PIEZO2: variants seen among roughly 807,000 people sequenced by gnomAD.
PIEZO2 encodes the protein piezo-type mechanosensitive ion channel component 2.
PIEZO2 carries 172 observed loss-of-function variants against 337.3 expected under a neutral mutation model. That is an observed-to-expected ratio of 0.51 (90% CI 0.45 to 0.58). The LOEUF (loss-of-function observed/expected upper bound fraction) is 0.58, where lower values mean the gene tolerates loss of function less well. Ranked by LOEUF, PIEZO2 falls within the 20% of genes least tolerant of loss-of-function variation. The probability of loss-of-function intolerance (pLI) is 0.00; values close to 1 mark genes in which losing one functional copy is unlikely to be tolerated. For synonymous variants in PIEZO2, 1,251 were observed against 1,228.5 expected (o/e 1.02, Z -0.38); for missense variants, 3,028 against 3,391.3 (o/e 0.89, Z 2.66).
Position 10,895,925 on chromosome 18 carries a change from T to A in PIEZO2, c.329+15261A>T, listed in dbSNP as rs2042887276. 6.6e-6 allele frequency among the ~76,000 whole-genome samples: 1 copy of A among 151,728 alleles called. No individual in the cohort carries two copies. The highest frequency in any genetic ancestry group is 6.6e-5 in the Admixed American group (1 of 15,248). ...AATACAGAAAATTACCCGGGCGTGGTGGCGTGTGCCTGTAATCCCAGCTAC... is the reference window on the plus strand; with the variant it reads ...AATACAGAAAATTACCCGGGCGTGGAGGCGTGTGCCTGTAATCCCAGCTAC... On this transcript the variant is annotated intron_variant, in intron 4 of 55. Coordinates refer to ENST00000674853, the MANE Select transcript of PIEZO2 (RefSeq NM_001378183.1). The surrounding 1 kb of genome is among the most constrained non-coding windows in gnomAD (Gnocchi z 4.8).
At chr18:11,142,937 G>GC (rs2040697636) in intron 1 of PIEZO2, among the ~76,000 whole-genome samples, 2 of 151,934 alleles carry the variant, frequency 1.3e-5, no homozygotes, top group Non-Finnish European at 2.9e-5. Flanking sequence ...AAATTAGCCG[G>GC]GTGTGGTGGC....
At chr18:10,758,830 G>A (rs1277279861) in intron 26 of PIEZO2, among the ~76,000 whole-genome samples, 1 of 152,242 alleles carries the variant, frequency 6.6e-6, no homozygotes, top group Non-Finnish European at 1.5e-5. Flanking sequence ...AGCGCAGCCT[G>A]AGAGAGCTGT....
chr18:10,919,685 C>T (rs994026009), intron 3 of PIEZO2, among the ~76,000 whole-genome samples: 3 of 152,116 alleles, frequency 2.0e-5, no homozygotes, highest in African/African-American at 7.2e-5. Flanking sequence ...ATATTACTCT[C>T]AAAAGAAACA....
chr18:10,999,636 T>C (rs2035462334), intron 2 of PIEZO2, among the ~76,000 whole-genome samples: 1 of 152,148 alleles, frequency 6.6e-6, no homozygotes, highest in African/African-American at 2.4e-5. Context: ...CACCCAAGGA[T>C]TTCAGCATCT....
In PIEZO2 at chr18:11,105,063, A is replaced by G. The variant is rs2039521919; in HGVS notation, c.65-38841T>C. ...AAATTACCACTTACTATCATTTGGCAAAGAACAGCTTGACTAAGCACGACA... is the reference window on the plus strand; with the variant it reads ...AAATTACCACTTACTATCATTTGGCGAAGAACAGCTTGACTAAGCACGACA... On this transcript the variant is annotated intron_variant, in intron 1 of 55. Coordinates refer to ENST00000674853, the MANE Select transcript of PIEZO2 (RefSeq NM_001378183.1). This position sits in a 1 kb window ranked among gnomAD's most constrained non-coding sequence, Gnocchi z 4.3. Among the ~76,000 whole-genome samples the G allele has an allele frequency of 6.6e-6, 1 of 152,208 alleles. No individual in the cohort carries two copies. The highest frequency in any genetic ancestry group is 6.5e-5 in the Admixed American group (1 of 15,282).
Position 11,021,362 on chromosome 18 carries a change from CT to C in PIEZO2, c.161-41703del, listed in dbSNP as rs532794731. ...TCCTCTATTCTGAAGAAAACATTTT[CT>C]TTTTCCTTCTACAAAAGCATCCCAC... is the stretch of plus-strand genomic sequence containing the variant. On this transcript the variant is annotated intron_variant, in intron 2 of 55. Transcript: ENST00000674853. The surrounding 1 kb of genome is among the most constrained non-coding windows in gnomAD (Gnocchi z 4.7). Among the ~76,000 whole-genome samples the C allele has an allele frequency of 1.3e-4, 20 of 152,274 alleles. No homozygotes were observed. The highest frequency in any genetic ancestry group is 4.8e-4 in the African/African-American group (20 of 41,562).
In PIEZO2 at chr18:10,795,304, G is replaced by A. The variant is rs954998080; in HGVS notation, c.1528-302C>T. 5.6e-5 allele frequency among the ~76,000 whole-genome samples: 6 copies of A among 106,572 alleles called. No individual in the cohort carries two copies. Among genetic ancestry groups the A allele is most frequent in the Non-Finnish European group, 1.1e-4 (5 of 45,416 alleles). The allele number at this position is 106,572 out of a possible 152,430, so 69.9% of individuals were successfully genotyped here. ...ACTTTTTTCAGTTAAGTAGCAAAATGTGTATTCAAATATTTTATTTTATTT... is the reference window on the plus strand; with the variant it reads ...ACTTTTTTCAGTTAAGTAGCAAAATATGTATTCAAATATTTTATTTTATTT... On this transcript the variant is annotated intron_variant, in intron 12 of 55. Coordinates refer to ENST00000674853, the MANE Select transcript of PIEZO2 (RefSeq NM_001378183.1). This position sits in a 1 kb window ranked among gnomAD's most constrained non-coding sequence, Gnocchi z 4.4.
At chr18:10,921,528 T>G (rs2031401261) in intron 3 of PIEZO2, among the ~76,000 whole-genome samples, 2 of 152,126 alleles carry the variant, frequency 1.3e-5, no homozygotes, top group Non-Finnish European at 2.9e-5. Context: ...CTTAATCCCA[T>G]CAGCTGAGGA....
In PIEZO2 at chr18:10,794,135, T is replaced by C. The variant is rs1458228280; in HGVS notation, c.1758+637A>G. Among the ~76,000 whole-genome samples, 1 of 152,230 alleles carries C rather than the reference T, an allele frequency of 6.6e-6. No homozygotes were observed. Among genetic ancestry groups the C allele is most frequent in the East Asian group, 1.9e-4 (1 of 5,202 alleles). On this transcript the variant is annotated intron_variant, in intron 13 of 55. Coordinates refer to ENST00000674853, the MANE Select transcript of PIEZO2 (RefSeq NM_001378183.1). The surrounding 1 kb of genome is among the most constrained non-coding windows in gnomAD (Gnocchi z 6.6). ...TATTAACACAAAGGGAATGTGTGTT[T>C]AGTCTGCCATTCTGTTAACAAAACA...
intron 7 of PIEZO2, among the ~76,000 whole-genome samples, chr18:10,845,470 C>T (rs1318499846): frequency 6.6e-6 from 1 of 152,130 alleles, no homozygotes; most frequent in East Asian, 1.9e-4. Context: ...TTAACCCTCA[C>T]ATGTAGCAGT....
In PIEZO2 at chr18:10,813,026, C is replaced by A. The variant is rs1375483290; in HGVS notation, c.918-5752G>T. 6.6e-6 allele frequency among the ~76,000 whole-genome samples: 1 copy of A among 151,914 alleles called. No individual in the cohort carries two copies. The highest frequency in any genetic ancestry group is 2.4e-5 in the African/African-American group (1 of 41,322). ...TGAGACGGAGTCTCACTCTGTCACCCGGGCTGGAGTGCATTGGGCCTCTGC... is the reference window on the plus strand; with the variant it reads ...TGAGACGGAGTCTCACTCTGTCACCAGGGCTGGAGTGCATTGGGCCTCTGC... On this transcript the variant is annotated intron_variant, in intron 7 of 55. Transcript: ENST00000674853. The surrounding 1 kb of genome is among the most constrained non-coding windows in gnomAD (Gnocchi z 4.2).
intron 48 of PIEZO2, among the ~76,000 whole-genome samples, 176 bp from the exon 49 acceptor site, chr18:10,689,978 G>T (rs1428883106): frequency 6.6e-6 from 1 of 152,198 alleles, no homozygotes; most frequent in African/African-American, 2.4e-5. Flanking sequence ...ATTATAAGTC[G>T]AATCTATGGA....
Position 10,847,124 on chromosome 18 carries a change from G to A in PIEZO2, c.917+8229C>T, listed in dbSNP as rs1598575754. Among the ~76,000 whole-genome samples the A allele has an allele frequency of 6.6e-6, 1 of 152,284 alleles. No individual in the cohort carries two copies. The highest frequency in any genetic ancestry group is 2.1e-4 in the South Asian group (1 of 4,820). On this transcript the variant is annotated intron_variant, in intron 7 of 55. Transcript: ENST00000674853. This position sits in a 1 kb window ranked among gnomAD's most constrained non-coding sequence, Gnocchi z 5.7. ...GGCCAAGGTTCAATCTCGAGCCCGTGGACTCCAGGGAATGAGCTGTTGAGC... is the reference window on the plus strand; with the variant it reads ...GGCCAAGGTTCAATCTCGAGCCCGTAGACTCCAGGGAATGAGCTGTTGAGC...
chr18:11,042,200 C>A (rs192192965), intron 2 of PIEZO2, among the ~76,000 whole-genome samples: 1 of 152,132 alleles, frequency 6.6e-6, no homozygotes, highest in Non-Finnish European at 1.5e-5. Context: ...CTAAGAAATC[C>A]GCCTGTAAAG....
Position 10,677,595 on chromosome 18 carries a change from A to T in PIEZO2, c.8081+152T>A. ...TCCATAGCTGAGATTAAGTTTCTTTAATCTTGCAAAATGGGGCCTCCAAAT... is the reference window on the plus strand; with the variant it reads ...TCCATAGCTGAGATTAAGTTTCTTTTATCTTGCAAAATGGGGCCTCCAAAT... On this transcript the variant is annotated intron_variant, in intron 53 of 55. Coordinates refer to ENST00000674853, the MANE Select transcript of PIEZO2 (RefSeq NM_001378183.1). The surrounding 1 kb of genome is among the most constrained non-coding windows in gnomAD (Gnocchi z 4.1). 2 of 902,950 alleles carry T rather than the reference A, an allele frequency of 2.2e-6. No homozygotes were observed. The highest frequency in any genetic ancestry group is 3.2e-4 in the Middle Eastern group (1 of 3,122). The allele number at this position is 902,950 out of a possible 1,614,324, so 55.9% of individuals were successfully genotyped here.
chr18:10,938,295 G>A (rs2032517092), intron 3 of PIEZO2, among the ~76,000 whole-genome samples: 2 of 152,160 alleles, frequency 1.3e-5, no homozygotes, highest in Non-Finnish European at 2.9e-5. Flanking sequence ...ATAATTGTGT[G>A]AAGAGTACTT....
In PIEZO2 at chr18:10,795,054, C is replaced by G; in HGVS notation, c.1528-52G>C. 1 of 1,400,712 alleles carries G rather than the reference C, an allele frequency of 7.1e-7. No homozygotes were observed. Among genetic ancestry groups the G allele is most frequent in the Non-Finnish European group, 9.8e-7 (1 of 1,023,078 alleles). 86.8% of individuals were successfully genotyped at this position (1,400,712 alleles called of 1,614,324 possible). ...ACCATGGTCAATACAATGCTCAGTC[C>G]CCCCCGCCCTGGTAAGGTAAAAACT... is the stretch of plus-strand genomic sequence containing the variant. On this transcript the variant is annotated intron_variant, in intron 12 of 55. Transcript: ENST00000674853. The surrounding 1 kb of genome is among the most constrained non-coding windows in gnomAD (Gnocchi z 4.4).
chr18:10,821,732 T>C lies in PIEZO2; in HGVS notation c.918-14458A>G, dbSNP rs1176994334. ...CCACAGCACCATCCTGCGCCCTCCCTGTCTCTCACCATTTACAACATAGAC... is the reference window on the plus strand; with the variant it reads ...CCACAGCACCATCCTGCGCCCTCCCCGTCTCTCACCATTTACAACATAGAC... On this transcript the variant is annotated intron_variant, in intron 7 of 55. Coordinates refer to ENST00000674853, the MANE Select transcript of PIEZO2 (RefSeq NM_001378183.1). This position sits in a 1 kb window ranked among gnomAD's most constrained non-coding sequence, Gnocchi z 4.2. Among the ~76,000 whole-genome samples the C allele has an allele frequency of 6.6e-6, 1 of 152,184 alleles. No individual in the cohort carries two copies. The highest frequency in any genetic ancestry group is 1.5e-5 in the Non-Finnish European group (1 of 68,020).
At chr18:10,787,912 T>C (rs1358541194) in intron 15 of PIEZO2, among the ~76,000 whole-genome samples, 1 of 152,174 alleles carries the variant, frequency 6.6e-6, no homozygotes, top group Non-Finnish European at 1.5e-5. Flanking sequence ...CTTATTTTAA[T>C]GAATGAAATT....
Sources: gnomAD v4.1 joint callset for allele counts (sites outside exome capture counted in the v4.1 genomes callset) on GRCh38, gnomAD v4.1.1 for gene constraint, Gnocchi (gnomAD v3.1) non-coding constraint, MANE v1.5 for transcripts, NCBI Gene and HGNC (gene_info 2026-07-23, HGNC 2026-07-21) for gene names.